The following CFAP77 variants were observed in gnomAD, a reference collection of about 807,000 sequenced individuals.
CFAP77 encodes cilia- and flagella-associated protein 77.
A neutral mutation model predicts 31.1 loss-of-function variants in CFAP77; 25 were observed. The observed-to-expected ratio is 0.80, with a 90% CI of 0.59 to 1.12. CFAP77 has a LOEUF of 1.12. Ranked by LOEUF, CFAP77 falls within the 50% of genes most tolerant of loss-of-function variation. The probability of loss-of-function intolerance (pLI) is 0.00; values close to 1 mark genes in which losing one functional copy is unlikely to be tolerated. For synonymous variants in CFAP77, 151 were observed against 159.9 expected, an observed-to-expected ratio of 0.94 and a Z score of 0.42; for missense variants, 377 against 397.3, an observed-to-expected ratio of 0.95 and a Z score of 0.44.
At position 132,438,537 on chromosome 9, in the gene CFAP77, ATATATTTTTT is replaced by A. The variant is rs1308902416; in HGVS notation, c.195+28073_195+28082del. On this transcript the variant is annotated intron_variant, in intron 1 of 5. Coordinates refer to ENST00000393216, the MANE Select transcript of CFAP77 (RefSeq NM_001282957.2). Reference sequence around the variant, plus strand: ...AGATATGGTATATATATATATATATATATATTTTTTTTTTTTTTTTTAGACAGGGTCTCAA... The same window carrying A: ...AGATATGGTATATATATATATATATATTTTTTTTTTTAGACAGGGTCTCAA... Among the ~76,000 whole-genome samples, 57 of 116,170 alleles carry A rather than the reference ATATATTTTTT, an allele frequency of 4.9e-4. 1 individual carries two copies. The highest frequency in any genetic ancestry group is 2.3e-3 in the African/African-American group (56 of 24,550). The allele number at this position is 116,170 out of a possible 152,430, so 76.2% of individuals were successfully genotyped here.
intron 3 of CFAP77, among the ~76,000 whole-genome samples, chr9:132,504,827 G>A (rs915169718): frequency 2.0e-5 from 3 of 152,296 alleles, no homozygotes; most frequent in African/African-American, 4.8e-5. Flanking sequence ...CGGAGGAAAC[G>A]GTGACAAAAT....
intron 3 of CFAP77, among the ~76,000 whole-genome samples, chr9:132,518,632 C>G (rs1852191366): frequency 6.6e-6 from 1 of 152,178 alleles, no homozygotes; most frequent in African/African-American, 2.4e-5. Flanking sequence ...TTTGGAATCG[C>G]TCTTATTCTT....
rs1851729904 is a variant in CFAP77 at position 132,495,681 on chromosome 9, G to T, written c.196-3014G>T. The stretch of plus-strand genomic sequence containing the variant: ...GGTCTCAAAGTAGGCTGTATGAACT[G>T]CATGTCTGTGTACCCCTAAAATTCA... On this transcript the variant is annotated intron_variant, in intron 1 of 5. Transcript: ENST00000393216. The surrounding 1 kb of genome is among the most constrained non-coding windows in gnomAD (Gnocchi z 4.2). Among the ~76,000 whole-genome samples, 1 of 152,232 alleles carries T rather than the reference G, an allele frequency of 6.6e-6. No individual in the cohort carries two copies. Among genetic ancestry groups the T allele is most frequent in the Non-Finnish European group, 1.5e-5 (1 of 68,044 alleles).
intron 1 of CFAP77, among the ~76,000 whole-genome samples, chr9:132,479,457 G>GGGGGCT (rs1851409266): frequency 6.6e-6 from 1 of 152,328 alleles, no homozygotes; most frequent in African/African-American, 2.4e-5. Flanking sequence ...GAGGGCCTTG[G>GGGGGCT]GGGGCTGGGC....
rs1477564884 is a variant in CFAP77, at chr9:132,506,266, T to C, written c.524+6666T>C. On this transcript the variant is annotated intron_variant, in intron 3 of 5. Transcript: ENST00000393216. Reference sequence around the variant, plus strand: ...AGGCCCTAACACAGATCTCAAAGCATGCTGCCACCCAAGGTCCGGAAACAG... The same window carrying C: ...AGGCCCTAACACAGATCTCAAAGCACGCTGCCACCCAAGGTCCGGAAACAG... 3.3e-5 allele frequency among the ~76,000 whole-genome samples: 5 copies of C among 152,232 alleles called. No homozygotes were observed. The South Asian group carries it at 6.2e-4, about 19-fold the overall frequency.
chr9:132,505,505 A>C (rs977881711), intron 3 of CFAP77, among the ~76,000 whole-genome samples: 1 of 151,860 alleles, frequency 6.6e-6, no homozygotes, highest in African/African-American at 2.4e-5. Flanking sequence ...ACATGGGGGC[A>C]GACTGGGGGC....
chr9:132,553,136 C>T (rs755488800), intron 5 of CFAP77, among the ~76,000 whole-genome samples: 13 of 152,112 alleles, frequency 8.5e-5, no homozygotes, highest in Non-Finnish European at 1.6e-4. Context: ...ACCTTCTCAC[C>T]GAGTCCTCAC....
At chr9:132,569,922 G>A (rs1829936024) in intron 5 of CFAP77, among the ~76,000 whole-genome samples, 1 of 151,944 alleles carries the variant, frequency 6.6e-6, no homozygotes, top group Non-Finnish European at 1.5e-5. Flanking sequence ...TTTTAGTAGG[G>A]ATGGGGTCTC....
intron 3 of CFAP77, among the ~76,000 whole-genome samples, chr9:132,515,025 C>A (rs1017594409): frequency 3.9e-5 from 6 of 152,154 alleles, no homozygotes; most frequent in African/African-American, 1.4e-4. Flanking sequence ...GTGGAGGGTC[C>A]CCTGCCCGGG....
chr9:132,561,742 C>T (rs1273324934), intron 5 of CFAP77, among the ~76,000 whole-genome samples: 3 of 152,068 alleles, frequency 2.0e-5, no homozygotes, highest in South Asian at 4.1e-4. Flanking sequence ...ACAAAACACA[C>T]GGCTCCTGCC....
At chr9:132,484,132 T>C (rs1851498338) in intron 1 of CFAP77, among the ~76,000 whole-genome samples, 1 of 151,998 alleles carries the variant, frequency 6.6e-6, no homozygotes, top group Admixed American at 6.6e-5. Context: ...GAGACAGGGA[T>C]TCTCCATGTT....
chr9:132,558,224 A>C lies in CFAP77; in HGVS notation c.733-14164A>C, dbSNP rs1271825097. ...ATTAAGATGATATTTATAGAAAAGG[A>C]AATAAAATATATAGCCCACTACATA... On this transcript the variant is annotated intron_variant, in intron 5 of 5. Transcript: ENST00000393216. Among the ~76,000 whole-genome samples, 7 of 152,350 alleles carry C rather than the reference A, an allele frequency of 4.6e-5. No individual in the cohort carries two copies. The East Asian group carries it at 1.2e-3, about 25-fold the overall frequency.
chr9:132,492,709 G>C (rs1224285437), intron 1 of CFAP77, among the ~76,000 whole-genome samples: 1 of 152,218 alleles, frequency 6.6e-6, no homozygotes, highest in African/African-American at 2.4e-5. Flanking sequence ...TAACAGGGGA[G>C]CCGGGCATGT....
chr9:132,557,254 G>A (rs911591932), intron 5 of CFAP77, among the ~76,000 whole-genome samples: 2 of 152,300 alleles, frequency 1.3e-5, no homozygotes, highest in African/African-American at 4.8e-5. Flanking sequence ...AGCTGCCAGC[G>A]TGAGGTTCTT....
intron 5 of CFAP77, among the ~76,000 whole-genome samples, chr9:132,546,571 C>T (rs1284434118): frequency 6.6e-6 from 1 of 152,232 alleles, no homozygotes; most frequent in South Asian, 2.1e-4. Flanking sequence ...CCGCCAGCCA[C>T]GAGGGGGCTG....
chr9:132,422,148 A>G (rs956804660), intron 1 of CFAP77, among the ~76,000 whole-genome samples: 1 of 152,136 alleles, frequency 6.6e-6, no homozygotes, highest in Admixed American at 6.5e-5. Context: ...ATCTGGGATT[A>G]CAGGCTCACA....
intron 1 of CFAP77, among the ~76,000 whole-genome samples, chr9:132,453,470 G>T (rs747930142): frequency 6.6e-6 from 1 of 152,222 alleles, no homozygotes; most frequent in Non-Finnish European, 1.5e-5. Context: ...AGGTTGCAGT[G>T]AGCTGAGATC....
rs1024159018 is a variant in CFAP77, at chr9:132,455,449, G to A, written c.196-43246G>A. ...CTTGAAACCAGGAGGTGGAGGTTGC[G>A]GTGAGCTGAGATCGTGCCACTGTAC... is the stretch of plus-strand genomic sequence containing the variant. On this transcript the variant is annotated intron_variant, in intron 1 of 5. Transcript: ENST00000393216. This position sits in a 1 kb window ranked among gnomAD's most constrained non-coding sequence, Gnocchi z 4.1. 4.6e-5 allele frequency among the ~76,000 whole-genome samples: 7 copies of A among 151,842 alleles called. No individual in the cohort carries two copies. The highest frequency in any genetic ancestry group is 7.4e-5 in the Non-Finnish European group (5 of 67,944).
rs1031725214 is a variant in CFAP77 at position 132,481,970 on chromosome 9, G to A, written c.196-16725G>A. Among the ~76,000 whole-genome samples the A allele has an allele frequency of 2.0e-5, 3 of 150,850 alleles. No individual in the cohort carries two copies. The highest frequency in any genetic ancestry group is 1.9e-4 in the East Asian group (1 of 5,168). ...CAAGGGTTTATGGTTGGGGGGGGGG[G>A]GGGCGGCGGAACACTGAACATTTTT... On this transcript the variant is annotated intron_variant, in intron 1 of 5. Transcript: ENST00000393216. The surrounding 1 kb of genome is among the most constrained non-coding windows in gnomAD (Gnocchi z 5.0).
Sources: allele counts gnomAD v4.1 joint callset (sites outside exome capture counted in the v4.1 genomes callset), GRCh38; gene constraint gnomAD v4.1.1; non-coding constraint Gnocchi (gnomAD v3.1); transcripts MANE v1.5; gene names NCBI Gene and HGNC (gene_info 2026-07-23, HGNC 2026-07-21).